Variants in CPAMD8 observed in about 807,000 individuals in gnomAD.
The protein encoded by CPAMD8 is C3 and PZP like alpha-2-macroglobulin domain containing 8.
Under a neutral mutation model 224.7 loss-of-function variants are expected in CPAMD8, and 146 were observed. The observed-to-expected ratio is 0.65, with a 90% CI of 0.57 to 0.75. The LOEUF (loss-of-function observed/expected upper bound fraction) is 0.75. Among genes scored for constraint, CPAMD8 ranks in the 30% least tolerant of loss-of-function variants. CPAMD8 has a pLI of 0.00. For synonymous variants in CPAMD8, 966 were observed against 1,044.6 expected, an observed-to-expected ratio of 0.92 and a Z score of 1.45; for missense variants, 2,301 against 2,537.5, an observed-to-expected ratio of 0.91 and a Z score of 2.00.
At chr19:16,991,649 G>T (rs1337302108) in intron 12 of CPAMD8, among the ~76,000 whole-genome samples, 1 of 152,108 alleles carries the variant, frequency 6.6e-6, no homozygotes, top group Non-Finnish European at 1.5e-5. Context: ...GAGGTCAGGA[G>T]TTCAAGACCA....
At chr19:16,997,430 T>G (rs948023798) in intron 10 of CPAMD8, 92 bp from the exon 11 acceptor site, 2 of 766,188 alleles carry the variant, frequency 2.6e-6, no homozygotes, top group African/African-American at 3.4e-5. Flanking sequence ...TGCAAGACTC[T>G]TCAGCTGCTT....
intron 22 of CPAMD8, among the ~76,000 whole-genome samples, chr19:16,942,597 C>T (rs1467551975): frequency 1.3e-5 from 2 of 152,198 alleles, no homozygotes; most frequent in African/African-American, 2.4e-5. Flanking sequence ...GGGCCCTGGG[C>T]ACAAATCCAG....
intron 34 of CPAMD8, among the ~76,000 whole-genome samples, chr19:16,903,203 C>T (rs1047821514): frequency 6.1e-4 from 93 of 152,000 alleles, no homozygotes; most frequent in Admixed American, 6.0e-3. Context: ...GAAACTTGCC[C>T]TCTGACTGCC....
At chr19:16,904,771 C>G (rs2052404479) in intron 30 of CPAMD8, among the ~76,000 whole-genome samples, 1 of 152,208 alleles carries the variant, frequency 6.6e-6, no homozygotes, top group South Asian at 2.1e-4. Flanking sequence ...CCCTGGCAGA[C>G]ATCGTGAATC....
intron 10 of CPAMD8, among the ~76,000 whole-genome samples, chr19:16,999,585 CAAAAAA>C (rs1200333256): frequency 7.9e-6 from 1 of 127,012 alleles, no homozygotes; most frequent in Non-Finnish European, 1.7e-5. Context: ...ACTCCATCTC[CAAAAAA>C]AAAAAAAAAG....
At chr19:17,019,544 T>C (rs2056898171) in intron 3 of CPAMD8, among the ~76,000 whole-genome samples, 1 of 151,568 alleles carries the variant, frequency 6.6e-6, no homozygotes, top group African/African-American at 2.4e-5. Flanking sequence ...TTTCTCCTTT[T>C]CTAAATTTCA....
chr19:17,013,230 C>T (rs925375371), intron 3 of CPAMD8: 2 of 149,190 alleles, frequency 1.3e-5, no homozygotes, highest in African/African-American at 5.0e-5. Context: ...CAGCACAAGC[C>T]AGGCGCGATG....
intron 23 of CPAMD8, 38 bp downstream of exon 23, chr19:16,938,357 G>A: frequency 7.7e-7 from 1 of 1,296,082 alleles, no homozygotes; most frequent in Non-Finnish European, 1.1e-6. Context: ...ACCCAGCCAG[G>A]TGGCCACACC....
intron 5 of CPAMD8, among the ~76,000 whole-genome samples, chr19:17,010,865 A>C (rs1419059434): frequency 6.6e-6 from 1 of 151,990 alleles, no homozygotes; most frequent in Non-Finnish European, 1.5e-5. Context: ...TCTACTAAAA[A>C]TACAAAAATC....
chr19:17,005,362 G>T (rs2056457636), intron 7 of CPAMD8, among the ~76,000 whole-genome samples: 1 of 152,050 alleles, frequency 6.6e-6, no homozygotes. Flanking sequence ...GTCCCCTGGG[G>T]GCAGAATCGC....
Position 16,946,741 on chromosome 19 carries a change from G to A in CPAMD8, c.2662+333C>T, listed in dbSNP as rs112519847. 5.2e-3 allele frequency among the ~76,000 whole-genome samples: 765 copies of A among 147,766 alleles called. 9 individuals carry two copies. The highest frequency in any genetic ancestry group is 0.018 in the African/African-American group (726 of 40,482). ...TGTATGCATGTCTACACATGTGGAC[G>A]TGTGTGTGTGGATTTGTGTGTGTGC... On this transcript the variant is annotated intron_variant, in intron 21 of 41. Transcript: ENST00000443236.
chr19:16,954,556 G>A (rs534311551), intron 19 of CPAMD8, among the ~76,000 whole-genome samples: 2 of 152,264 alleles, frequency 1.3e-5, no homozygotes, highest in South Asian at 4.2e-4. Flanking sequence ...GGGTCTCAAA[G>A]GGATATTTGT....
At chr19:17,019,044 GA>G (rs1364304965) in intron 3 of CPAMD8, among the ~76,000 whole-genome samples, 1 of 152,174 alleles carries the variant, frequency 6.6e-6, no homozygotes, top group African/African-American at 2.4e-5. Flanking sequence ...CAGAGACTTG[GA>G]AACATGGAAG....
chr19:16,962,446 T>C (rs926296294), intron 18 of CPAMD8, among the ~76,000 whole-genome samples: 1 of 152,060 alleles, frequency 6.6e-6, no homozygotes, highest in Non-Finnish European at 1.5e-5. Context: ...GTATCAGTGA[T>C]TGAAGATTAA....
At chr19:16,917,637 G>A (rs1405417612) in intron 27 of CPAMD8, among the ~76,000 whole-genome samples, 2 of 152,152 alleles carry the variant, frequency 1.3e-5, no homozygotes, top group Non-Finnish European at 2.9e-5. Flanking sequence ...GCTGCTTGCG[G>A]GGCTGAGGCG....
intron 29 of CPAMD8, among the ~76,000 whole-genome samples, chr19:16,911,112 G>T (rs757025711): frequency 6.6e-6 from 1 of 152,144 alleles, no homozygotes; most frequent in East Asian, 1.9e-4. Flanking sequence ...TAAGACAGGG[G>T]TCCCCAACCT....
intron 41 of CPAMD8, chr19:16,894,632 A>G (rs1599635851): frequency 5.4e-6 from 2 of 368,788 alleles, no homozygotes; most frequent in East Asian, 1.5e-4. Context: ...TTCCCCTTCC[A>G]GTGGACCACA....
chr19:17,001,229 A>C (rs938315693), intron 9 of CPAMD8, among the ~76,000 whole-genome samples: 8 of 148,424 alleles, frequency 5.4e-5, no homozygotes, highest in African/African-American at 2.0e-4. Flanking sequence ...AAGCTGAGGC[A>C]GGAGAATCAA....
intron 39 of CPAMD8, chr19:16,897,458 C>CT (rs1199645803): frequency 1.8e-6 from 1 of 552,300 alleles, no homozygotes; most frequent in African/African-American, 2.0e-5. Flanking sequence ...TCCCCAGCCA[C>CT]TTCCCTTCCG....
Sources: allele counts gnomAD v4.1 joint callset (sites outside exome capture counted in the v4.1 genomes callset), GRCh38; gene constraint gnomAD v4.1.1; transcripts MANE v1.5; gene names NCBI Gene and HGNC (gene_info 2026-07-23, HGNC 2026-07-21).